The following GALNT13 variants were observed in gnomAD, a reference collection of about 807,000 sequenced individuals.
GALNT13 encodes the protein polypeptide N-acetylgalactosaminyltransferase 13.
In GALNT13, 28 loss-of-function variants were observed where a neutral mutation model predicts 64.2. The observed-to-expected ratio is 0.44, with a 90% CI of 0.32 to 0.60. The LOEUF (loss-of-function observed/expected upper bound fraction) is 0.60, where lower values mean the gene tolerates loss of function less well. GALNT13 is among the 20% of genes least tolerant of loss of function. The pLI, the probability that GALNT13 is intolerant of heterozygous loss-of-function variation, is 0.05. For synonymous variants in GALNT13, 214 were observed against 224.6 expected (o/e 0.95, Z 0.42); for missense variants, 577 against 669.8 (o/e 0.86, Z 1.53).
chr2:153,266,814 A>G, the GALNT13 span, among the ~76,000 whole-genome samples: 1 of 152,302 alleles, frequency 6.6e-6, no homozygotes, highest in East Asian at 1.9e-4. Flanking sequence ...CAAATCTCAC[A>G]TCATTTTTAT....
At chr2:154,144,256 T>G (rs970662764) in intron 4 of GALNT13, among the ~76,000 whole-genome samples, 3 of 152,194 alleles carry the variant, frequency 2.0e-5, no homozygotes, top group African/African-American at 7.2e-5. Context: ...ATTGTAGAAC[T>G]GCCTGGGAAC....
chr2:153,380,651 A>G, the GALNT13 span, among the ~76,000 whole-genome samples: 1 of 152,080 alleles, frequency 6.6e-6, no homozygotes. Context: ...AGTATAGTGG[A>G]AAATGGTGTA....
chr2:154,416,939 A>G (rs937747391), intron 11 of GALNT13, among the ~76,000 whole-genome samples: 1 of 152,184 alleles, frequency 6.6e-6, no homozygotes, highest in Admixed American at 6.5e-5. Context: ...CAGTGTGTCT[A>G]TAATTACCTT....
At chr2:154,214,718 G>T (rs1354270860) in intron 4 of GALNT13, among the ~76,000 whole-genome samples, 3 of 152,096 alleles carry the variant, frequency 2.0e-5, no homozygotes, top group African/African-American at 7.2e-5. Flanking sequence ...TGCCATAATT[G>T]TAAGTTTCCC....
chr2:153,957,002 G>A (rs527612396), intron 3 of GALNT13, among the ~76,000 whole-genome samples: 68 of 152,052 alleles, frequency 4.5e-4, no homozygotes, highest in Non-Finnish European at 8.8e-4. Flanking sequence ...ATTTACCAAA[G>A]TAAAAATCTT....
intron 9 of GALNT13, among the ~76,000 whole-genome samples, chr2:154,344,969 A>C (rs916479875): frequency 1.3e-5 from 2 of 151,974 alleles, no homozygotes; most frequent in Admixed American, 6.6e-5. Flanking sequence ...TCAAAAATAT[A>C]AGAAACTCAG....
the GALNT13 span, among the ~76,000 whole-genome samples, chr2:153,301,577 A>G: frequency 6.6e-6 from 1 of 152,068 alleles, no homozygotes; most frequent in African/African-American, 2.4e-5. Context: ...AGCAATTTTT[A>G]AGAATACGAT....
intron 3 of GALNT13, among the ~76,000 whole-genome samples, chr2:154,084,584 A>C (rs1394879439): frequency 2.0e-5 from 3 of 151,932 alleles, no homozygotes; most frequent in African/African-American, 7.2e-5. Context: ...CCTCTATTAC[A>C]AATGCTGAAA....
chr2:154,197,141 G>T (rs949200581), intron 4 of GALNT13, among the ~76,000 whole-genome samples: 3 of 151,982 alleles, frequency 2.0e-5, no homozygotes, highest in Non-Finnish European at 4.4e-5. Flanking sequence ...TTTAAAAAGT[G>T]CCAGGCAGAG....
At chr2:154,229,893 A>G (rs1276404282) in intron 4 of GALNT13, among the ~76,000 whole-genome samples, 1 of 152,120 alleles carries the variant, frequency 6.6e-6, no homozygotes, top group African/African-American at 2.4e-5. Flanking sequence ...AGGAAGGAAG[A>G]GTCATCAAAA....
the GALNT13 span, among the ~76,000 whole-genome samples, chr2:153,711,416 G>C: frequency 6.6e-6 from 1 of 152,040 alleles, no homozygotes; most frequent in South Asian, 2.1e-4. Context: ...GCTCAGTACC[G>C]TGTACTAGGA....
At chr2:153,910,067 CT>C (rs745989503) in intron 2 of GALNT13, among the ~76,000 whole-genome samples, 223 of 134,784 alleles carry the variant, frequency 1.7e-3, no homozygotes, top group Admixed American at 1.7e-3. Context: ...CCTGGCTAGG[CT>C]TTTTTTTTTT....
At chr2:153,213,075 T>C in the GALNT13 span, among the ~76,000 whole-genome samples, 1 of 152,222 alleles carries the variant, frequency 6.6e-6, no homozygotes, top group African/African-American at 2.4e-5. Flanking sequence ...GTACCTACTA[T>C]GGTCAAGAAC....
At chr2:153,876,063 C>T (rs1392823442) in intron 1 of GALNT13, among the ~76,000 whole-genome samples, 1 of 152,016 alleles carries the variant, frequency 6.6e-6, no homozygotes, top group Non-Finnish European at 1.5e-5. Context: ...TTAAACTGGG[C>T]TTTGGTTCTA....
At chr2:154,360,926 A>T (rs933943528) in intron 9 of GALNT13, among the ~76,000 whole-genome samples, 2 of 152,104 alleles carry the variant, frequency 1.3e-5, no homozygotes, top group Admixed American at 1.3e-4. Context: ...CTTTAGAAGC[A>T]TGGGGAAGGG....
intron 1 of GALNT13, among the ~76,000 whole-genome samples, chr2:153,878,466 C>G (rs763560045): frequency 9.9e-5 from 15 of 152,202 alleles, no homozygotes; most frequent in Admixed American, 3.3e-4. Flanking sequence ...TTATTCCATT[C>G]TCTTCCTAGT....
intron 7 of GALNT13, chr2:154,257,641 C>T (rs931717566): frequency 6.6e-6 from 1 of 152,162 alleles, no homozygotes; most frequent in Non-Finnish European, 1.5e-5. Context: ...CTAAGCAAGG[C>T]TCTGCTACTC....
chr2:154,151,174 C>G (rs1387104406), intron 4 of GALNT13, among the ~76,000 whole-genome samples: 1 of 152,158 alleles, frequency 6.6e-6, no homozygotes, highest in African/African-American at 2.4e-5. Flanking sequence ...TTTCTGCCTT[C>G]ATTTCTTTAT....
the GALNT13 span, among the ~76,000 whole-genome samples, chr2:153,727,024 T>C: frequency 7.3e-5 from 11 of 151,448 alleles, no homozygotes; most frequent in Non-Finnish European, 1.3e-4. Flanking sequence ...CAGTAAACCA[T>C]TGGGTCCAAA....
Sources: allele counts gnomAD v4.1 joint callset (sites outside exome capture counted in the v4.1 genomes callset), GRCh38; gene constraint gnomAD v4.1.1; transcripts MANE v1.5; gene names NCBI Gene and HGNC (gene_info 2026-07-23, HGNC 2026-07-21).